XKR6: variants seen among roughly 807,000 people sequenced by gnomAD.
The protein encoded by XKR6 is XK-related protein 6.
A neutral mutation model predicts 56.7 loss-of-function variants in XKR6; 22 were observed. That is an observed-to-expected ratio of 0.39 (90% CI 0.28 to 0.55). The LOEUF (loss-of-function observed/expected upper bound fraction) is 0.55. XKR6 is among the 20% of genes least tolerant of loss of function. XKR6 has a pLI of 0.66. For missense variants in XKR6, 852 were observed against 889.0 expected (o/e 0.96, Z 0.53); for synonymous variants, 524 against 387.8 (o/e 1.35, Z -4.13).
chr8:11,148,361 A>G (rs1381666628), intron 1 of XKR6, among the ~76,000 whole-genome samples: 1 of 152,252 alleles, frequency 6.6e-6, no homozygotes, highest in East Asian at 1.9e-4. Context: ...CCCATGTAAC[A>G]AGGCAGGTGG....
At chr8:11,195,091 C>T in intron 1 of XKR6, 1 of 702,376 alleles carries the variant, frequency 1.4e-6, no homozygotes, top group Non-Finnish European at 2.6e-6. Flanking sequence ...ACCCACTTAC[C>T]CTCACAGCTA....
intron 1 of XKR6, among the ~76,000 whole-genome samples, chr8:11,037,883 C>T (rs1048812026): frequency 1.2e-4 from 18 of 150,912 alleles, no homozygotes; most frequent in Admixed American, 3.3e-4. Context: ...AAAAATTAGC[C>T]GGGTGTGGTG....
chr8:11,006,739 G>A (rs1798378028), intron 1 of XKR6, among the ~76,000 whole-genome samples: 1 of 152,174 alleles, frequency 6.6e-6, no homozygotes, highest in Non-Finnish European at 1.5e-5. Context: ...TAGGATTTCT[G>A]TCCTTGGAGA....
intron 1 of XKR6, among the ~76,000 whole-genome samples, chr8:11,067,277 C>T (rs1800005892): frequency 6.6e-6 from 1 of 152,174 alleles, no homozygotes; most frequent in African/African-American, 2.4e-5. Flanking sequence ...AATAAACCTG[C>T]ACATTTGGCT....
At chr8:10,947,050 T>TG (rs930418941) in intron 1 of XKR6, among the ~76,000 whole-genome samples, 1 of 151,970 alleles carries the variant, frequency 6.6e-6, no homozygotes, top group African/African-American at 2.4e-5. Flanking sequence ...GAGGCAGGCA[T>TG]GGTGAGGATC....
At chr8:11,181,600 T>G (rs1802985168) in intron 1 of XKR6, among the ~76,000 whole-genome samples, 1 of 152,196 alleles carries the variant, frequency 6.6e-6, no homozygotes, top group African/African-American at 2.4e-5. Context: ...TTTTGTATAT[T>G]TATATATGTG....
At chr8:11,098,717 G>A (rs1408919795) in intron 1 of XKR6, among the ~76,000 whole-genome samples, 1 of 152,206 alleles carries the variant, frequency 6.6e-6, no homozygotes, top group Non-Finnish European at 1.5e-5. Flanking sequence ...GCTTGCACAA[G>A]TGATAAGAAC....
chr8:10,922,118 C>G (rs1381111768), intron 2 of XKR6, among the ~76,000 whole-genome samples: 2 of 152,222 alleles, frequency 1.3e-5, no homozygotes, highest in African/African-American at 2.4e-5. Context: ...TCTTGGACTT[C>G]CCAGCCTCCA....
intron 1 of XKR6, among the ~76,000 whole-genome samples, chr8:11,043,114 C>T (rs1563099897): frequency 6.6e-6 from 1 of 152,070 alleles, no homozygotes; most frequent in Non-Finnish European, 1.5e-5. Flanking sequence ...TCCCTAGGAA[C>T]TCCATGCATT....
At chr8:11,169,742 A>G (rs1340074499) in intron 1 of XKR6, among the ~76,000 whole-genome samples, 1 of 152,248 alleles carries the variant, frequency 6.6e-6, no homozygotes, top group Non-Finnish European at 1.5e-5. Context: ...AATCTACCTC[A>G]TGCCAGTGAA....
At chr8:11,195,349 T>C (rs564761853) in intron 1 of XKR6, 41 of 591,318 alleles carry the variant, frequency 6.9e-5, no homozygotes, top group Middle Eastern at 8.4e-4. Context: ...AAATGGATAG[T>C]CAACTGCTAA....
chr8:11,025,795 G>A (rs1798847492), intron 1 of XKR6, among the ~76,000 whole-genome samples: 1 of 152,160 alleles, frequency 6.6e-6, no homozygotes. Flanking sequence ...CATTAGCCCT[G>A]CTTGTGGAGG....
intron 1 of XKR6, among the ~76,000 whole-genome samples, chr8:11,167,530 G>T (rs1287911278): frequency 1.3e-5 from 2 of 152,168 alleles, no homozygotes; most frequent in Non-Finnish European, 2.9e-5. Context: ...AATGAGACAT[G>T]CAACACATGA....
chr8:11,172,116 A>G (rs1802405749), intron 1 of XKR6, among the ~76,000 whole-genome samples: 1 of 152,022 alleles, frequency 6.6e-6, no homozygotes, highest in African/African-American at 2.4e-5. Context: ...CAGACCTATA[A>G]TCCCAGCACG....
intron 1 of XKR6, among the ~76,000 whole-genome samples, chr8:10,953,470 T>C (rs1049235461): frequency 2.6e-5 from 4 of 152,184 alleles, no homozygotes; most frequent in Non-Finnish European, 4.4e-5. Flanking sequence ...GTACAGCCTG[T>C]AGAACTGTGA....
intron 1 of XKR6, among the ~76,000 whole-genome samples, chr8:11,157,933 T>C (rs1801602948): frequency 6.6e-6 from 1 of 152,186 alleles, no homozygotes; most frequent in Non-Finnish European, 1.5e-5. Flanking sequence ...TCAAGCGGCA[T>C]TAGATATGTT....
In XKR6 at chr8:11,114,773, G is replaced by GTA. The variant is rs1554461878; in HGVS notation, c.764+85801_764+85802dup. ...TGTGTGTGTGTGTGTGTGTGTGTGT[G>GTA]TATGTGCCAGGGCAAGAAAGGTCAG... On this transcript the variant is annotated intron_variant, in intron 1 of 2. Transcript: ENST00000416569. 1.7e-3 allele frequency among the ~76,000 whole-genome samples: 243 copies of GTA among 146,610 alleles called. 4 individuals are homozygous for GTA. Among genetic ancestry groups the GTA allele is most frequent in the African/African-American group, 4.8e-3 (193 of 40,124 alleles).
intron 1 of XKR6, among the ~76,000 whole-genome samples, chr8:10,940,702 C>T (rs2129123430): frequency 6.6e-6 from 1 of 152,298 alleles, no homozygotes; most frequent in African/African-American, 2.4e-5. Context: ...GCTGCCTTGG[C>T]CAGCAGCAGT....
At chr8:11,055,500 G>A (rs1021605404) in intron 1 of XKR6, among the ~76,000 whole-genome samples, 1 of 152,192 alleles carries the variant, frequency 6.6e-6, no homozygotes, top group South Asian at 2.1e-4. Context: ...CTGGGTCTAG[G>A]AGAGCCACAG....
Sources: gnomAD v4.1 joint callset for allele counts (sites outside exome capture counted in the v4.1 genomes callset) on GRCh38, gnomAD v4.1.1 for gene constraint, MANE v1.5 for transcripts, NCBI Gene and HGNC (gene_info 2026-07-23, HGNC 2026-07-21) for gene names.